Variants in ABCA7 observed in about 807,000 individuals in gnomAD.
ABCA7 encodes the protein ATP binding cassette subfamily A member 7, also known as phospholipid-transporting ATPase ABCA7.
In ABCA7, 261 loss-of-function variants were observed where a neutral mutation model predicts 227.6. That is an observed-to-expected ratio of 1.15 (90% CI 1.04 to 1.27). The LOEUF is 1.27. ABCA7 is among the 50% of genes most tolerant of loss of function. ABCA7 has a pLI of 0.00. For synonymous variants in ABCA7, 1,488 were observed against 1,279.7 expected (o/e 1.16, Z -3.47); for missense variants, 3,331 against 2,924.5 (o/e 1.14, Z -3.21).
rs374346281 is a variant in ABCA7, at chr19:1,042,060, C to G, written c.303-4C>G. Reference sequence around the variant, plus strand: ...CCCGCCTCCTGCCCTCTCTCTGTCCCCAGGGTCTCCCGGCTGCTAGCCGAT... The same window carrying G: ...CCCGCCTCCTGCCCTCTCTCTGTCCGCAGGGTCTCCCGGCTGCTAGCCGAT... On this transcript the variant is annotated splice_polypyrimidine_tract_variant and splice_region_variant and intron_variant, in intron 4 of 46. Transcript: ENST00000263094. 367 of 1,591,056 alleles carry G rather than the reference C, an allele frequency of 2.3e-4. No individual in the cohort carries two copies. The highest frequency in any genetic ancestry group is 3.0e-4 in the Non-Finnish European group (347 of 1,175,336).
At position 1,064,194 on chromosome 19, in the gene ABCA7, G is replaced by A. The variant is rs4147930; in HGVS notation, c.5985G>A (p.Leu1995=). The A allele has an allele frequency of 0.72, 1,132,161 of 1,580,266 alleles. 409,160 individuals carry two copies. The highest frequency in any genetic ancestry group is 0.8 in the Admixed American group (44,513 of 55,484). ...AGTGTGAAGCGCTCTGCTCGCGCCT[G>A]GCCATCATGGTGAATGGGCGGTTCC... is the stretch of plus-strand genomic sequence containing the variant. ...MEECEALCSR[L]AIMVNGRFRC... The change falls in exon 45 of 47, where the codon CTG becomes CTA. Residue 1995 remains leucine, a synonymous_variant. Transcript: ENST00000263094.
At position 1,051,555 on chromosome 19, in the gene ABCA7, T is replaced by A; in HGVS notation, c.2931T>A (p.Gly977=). ...GCGTGGATCCTGCTTCCCGCCGCGGTATTTGGGAGCTGCTGCTCAAATACC... is the reference window on the plus strand; with the variant it reads ...GCGTGGATCCTGCTTCCCGCCGCGGAATTTGGGAGCTGCTGCTCAAATACC... ...TAGVDPASRR[G]IWELLLKYRE... Residue 977 remains glycine, a synonymous_variant, in exon 21 of 47, where the codon GGT becomes GGA. Coordinates refer to ENST00000263094, the MANE Select transcript of ABCA7 (RefSeq NM_019112.4). 6.2e-7 allele frequency: 1 copy of A among 1,612,446 alleles called. No homozygotes were observed. The highest frequency in any genetic ancestry group is 8.5e-7 in the Non-Finnish European group (1 of 1,179,820).
At position 1,057,965 on chromosome 19, in the gene ABCA7, C is replaced by G; in HGVS notation, c.4931C>G (p.Pro1644Arg). Residue 1644 changes from proline to arginine, a missense_variant, in exon 36 of 47, where the codon CCC (proline) becomes CGC (arginine). By Grantham distance (103) the Pro-to-Arg change is moderately radical. Transcript: ENST00000263094. ...MYPASFFFSVPSTAYVVLTCI... is the reference protein window; with the variant it reads ...MYPASFFFSVRSTAYVVLTCI... Reference sequence around the variant, plus strand: ...CCAGCCTCCTTCTTCTTCTCCGTGCCCAGCACAGCCTATGTGGTGCTCACC... The same window carrying G: ...CCAGCCTCCTTCTTCTTCTCCGTGCGCAGCACAGCCTATGTGGTGCTCACC... 6.2e-7 allele frequency: 1 copy of G among 1,614,008 alleles called. No homozygotes were observed. The highest frequency in any genetic ancestry group is 8.5e-7 in the Non-Finnish European group (1 of 1,180,010).
chr19:1,047,785 T>C, intron 16 of ABCA7, 131 bp downstream of exon 16: 4 of 981,964 alleles, frequency 4.1e-6, no homozygotes, highest in Non-Finnish European at 5.6e-6. Flanking sequence ...CGGGGCTTCT[T>C]GGCACACGCA....
chr19:1,046,914 G>T lies in ABCA7; in HGVS notation c.1735G>T (p.Asp579Tyr). Residue 579 changes from aspartate (D) to tyrosine (Y), a missense_variant, in exon 14 of 47, where the codon GAC becomes TAC. Physicochemically the swap from Asp to Tyr is radical, Grantham distance 160. Coordinates refer to ENST00000263094, the MANE Select transcript of ABCA7 (RefSeq NM_019112.4). ...GCGGGAGAAGGAGACGCGGCTGCGGGACACCATGCGCGCCATGGGGCTCAG... is the reference window on the plus strand; with the variant it reads ...GCGGGAGAAGGAGACGCGGCTGCGGTACACCATGCGCGCCATGGGGCTCAG... ...VVREKETRLR[D>Y]TMRAMGLSRA... The T allele has an allele frequency of 6.4e-7, 1 of 1,553,214 alleles. No individual in the cohort carries two copies.
At chr19:1,049,060 C>CG in intron 17 of ABCA7, 55 bp downstream of exon 17, 1 of 1,037,702 alleles carries the variant, frequency 9.6e-7, no homozygotes, top group Non-Finnish European at 1.4e-6. Context: ...AGTTCCCCCC[C>CG]AAAACGAGAT....
In ABCA7 at chr19:1,065,298, G is replaced by T. The variant is rs1189021691; in HGVS notation, c.6314G>T (p.Gly2105Val). 1.2e-6 allele frequency: 2 copies of T among 1,613,526 alleles called. No individual in the cohort carries two copies. Among genetic ancestry groups the T allele is most frequent in the South Asian group, 2.2e-5 (2 of 91,086 alleles). ...EVFLYFSKDQ[G>V]KDEDTEEQKE... ...TTCTTGTACTTCTCCAAGGACCAGGGGAAGGACGAGGACACCGAAGAGCAG... is the reference window on the plus strand; with the variant it reads ...TTCTTGTACTTCTCCAAGGACCAGGTGAAGGACGAGGACACCGAAGAGCAG... Residue 2105 changes from glycine (G) to valine (V), a missense_variant, in exon 47 of 47, where the codon GGG becomes GTG. Coordinates refer to ENST00000263094, the MANE Select transcript of ABCA7 (RefSeq NM_019112.4).
rs148078867 is a variant in ABCA7, at chr19:1,044,727, C to G, written c.1198C>G (p.Leu400Val). ...TGATGTGGGGCACCTGGTGGGCACG[C>G]TGGGCCGAGTGACGGAGGTGAGGGC... ...HADVGHLVGTLGRVTECLSLD... is the reference protein window; with the variant it reads ...HADVGHLVGTVGRVTECLSLD... Residue 400 changes from leucine (L) to valine (V), a missense_variant, in exon 11 of 47, where the codon CTG becomes GTG. Coordinates refer to ENST00000263094, the MANE Select transcript of ABCA7 (RefSeq NM_019112.4). 2.3e-4 allele frequency: 373 copies of G among 1,609,280 alleles called. 1 individual carries two copies. Among genetic ancestry groups the G allele is most frequent in the Non-Finnish European group, 2.9e-4 (345 of 1,178,920 alleles).
Position 1,051,062 on chromosome 19 carries a change from G to T in ABCA7, c.2684+10G>T, listed in dbSNP as rs752184358. 1 of 1,610,280 alleles carries T rather than the reference G, an allele frequency of 6.2e-7. No individual in the cohort carries two copies. Among genetic ancestry groups the T allele is most frequent in the Non-Finnish European group, 8.5e-7 (1 of 1,178,584 alleles). ...ACGTGCTGTTTGACATGTGCGTCTCGGCAGGCCCAGAGTGCAGCGGTGGGA... is the reference window on the plus strand; with the variant it reads ...ACGTGCTGTTTGACATGTGCGTCTCTGCAGGCCCAGAGTGCAGCGGTGGGA... On this transcript the variant is annotated intron_variant, in intron 19 of 46. Transcript: ENST00000263094.
Position 1,049,454 on chromosome 19 carries a change from T to G in ABCA7, c.2552+17T>G. On this transcript the variant is annotated intron_variant, in intron 18 of 46. Transcript: ENST00000263094. ...CACCACCCTGTGAGCCCCCAACCAC[T>G]CCCTCCCCGTGAGCCCCCCCACTCC... 1.2e-5 allele frequency: 17 copies of G among 1,370,880 alleles called. No homozygotes were observed. The highest frequency in any genetic ancestry group is 4.9e-5 in the Admixed American group (2 of 40,556). 84.9% of individuals were successfully genotyped at this position (1,370,880 alleles called of 1,614,324 possible). A position where few individuals can be genotyped will look rare whatever the true frequency, so the allele number is the denominator to read the frequency against.
At position 1,058,949 on chromosome 19, in the gene ABCA7, G is replaced by T; in HGVS notation, c.5400+9G>T. On this transcript the variant is annotated intron_variant, in intron 39 of 46. Transcript: ENST00000263094. Reference sequence around the variant, plus strand: ...TGAGGAACTTGACCAAGGTAGGTGTGGTCAGGTCGACTGCTGGGTGGGGGG... The same window carrying T: ...TGAGGAACTTGACCAAGGTAGGTGTTGTCAGGTCGACTGCTGGGTGGGGGG... 6.2e-7 allele frequency: 1 copy of T among 1,610,096 alleles called. No individual in the cohort carries two copies. The highest frequency in any genetic ancestry group is 8.5e-7 in the Non-Finnish European group (1 of 1,177,282).
Position 1,054,540 on chromosome 19 carries a change from G to A in ABCA7, c.3727-30G>A, listed in dbSNP as rs2042072642. 2 of 1,598,712 alleles carry A rather than the reference G, an allele frequency of 1.3e-6. No homozygotes were observed. Among genetic ancestry groups the A allele is most frequent in the East Asian group, 4.5e-5 (2 of 44,492 alleles). On this transcript the variant is annotated intron_variant, in intron 27 of 46. Coordinates refer to ENST00000263094, the MANE Select transcript of ABCA7 (RefSeq NM_019112.4). The surrounding 1 kb of genome is among the most constrained non-coding windows in gnomAD (Gnocchi z 4.8). ...TGCAAGCAAGCCTGGAGGGTGGATGGAAGCAGCAGCTGATGGGCTGGTCCC... is the reference window on the plus strand; with the variant it reads ...TGCAAGCAAGCCTGGAGGGTGGATGAAAGCAGCAGCTGATGGGCTGGTCCC...
intron 42 of ABCA7, among the ~76,000 whole-genome samples, chr19:1,062,549 A>C (rs369258978): frequency 6.7e-6 from 1 of 150,362 alleles, no homozygotes; most frequent in Non-Finnish European, 1.5e-5. Flanking sequence ...TGGTCCACCC[A>C]CCCTTCCTTC....
Position 1,051,692 on chromosome 19 carries a change from C to T in ABCA7, c.2962+106C>T, listed in dbSNP as rs1043548864. The stretch of plus-strand genomic sequence containing the variant: ...GTAGGAGTTTGCTACATGTGGACCC[C>T]ACTTGTTGCTATGGCATTTAGGGGC... On this transcript the variant is annotated intron_variant, in intron 21 of 46. Coordinates refer to ENST00000263094, the MANE Select transcript of ABCA7 (RefSeq NM_019112.4). The T allele has an allele frequency of 6.7e-6, 8 of 1,198,740 alleles. No individual in the cohort carries two copies. In the African/African-American group the frequency reaches 1.2e-4, roughly 18 times the overall value. The allele number at this position is 1,198,740 out of a possible 1,614,324, so 74.3% of individuals were successfully genotyped here.
rs1380444358 is a variant in ABCA7, at chr19:1,053,451, A to T, written c.3343A>T (p.Thr1115Ser). Reference protein sequence around the residue: ...YTGAHDGSFATLFRELDTRLA... With the variant: ...YTGAHDGSFASLFRELDTRLA... ...GGGTGCCCATGACGGCAGCTTCGCC[A>T]CACTCTTCCGAGAGCTAGACACGCG... is the stretch of plus-strand genomic sequence containing the variant. Residue 1115 changes from threonine to serine, a missense_variant, in exon 24 of 47, where the codon ACA becomes TCA. Physicochemically the swap from Thr to Ser is moderately conservative, Grantham distance 58. Coordinates refer to ENST00000263094, the MANE Select transcript of ABCA7 (RefSeq NM_019112.4). 6.2e-7 allele frequency: 1 copy of T among 1,601,520 alleles called. No individual in the cohort carries two copies. The highest frequency in any genetic ancestry group is 8.5e-7 in the Non-Finnish European group (1 of 1,176,002).
At chr19:1,041,676 C>T in intron 3 of ABCA7, 73 bp downstream of exon 3, 2 of 1,564,434 alleles carry the variant, frequency 1.3e-6, no homozygotes, top group East Asian at 2.2e-5. Context: ...CACAGGAATC[C>T]CCCGTGCATG....
intron 11 of ABCA7, 95 bp downstream of exon 11, chr19:1,044,839 C>G: frequency 6.7e-7 from 1 of 1,482,586 alleles, no homozygotes; most frequent in Admixed American, 2.1e-5. Context: ...GAGGCGGGCC[C>G]GGCCCTAGTA....
At chr19:1,048,470 T>C (rs539231691) in intron 16 of ABCA7, among the ~76,000 whole-genome samples, 2 of 107,410 alleles carry the variant, frequency 1.9e-5, no homozygotes, top group Non-Finnish European at 3.4e-5. Flanking sequence ...CACTCCAGCC[T>C]GGGCAACAAG....
At chr19:1,055,837 T>C in intron 30 of ABCA7, 70 bp from the exon 31 acceptor site, 1 of 1,448,324 alleles carries the variant, frequency 6.9e-7, no homozygotes, top group African/African-American at 1.4e-5. Context: ...GACTCTGTGC[T>C]CCCCTCTCAC....
Sources: gnomAD v4.1 joint callset for allele counts (sites outside exome capture counted in the v4.1 genomes callset) on GRCh38, gnomAD v4.1.1 for gene constraint, Gnocchi (gnomAD v3.1) non-coding constraint, MANE v1.5 for transcripts, NCBI Gene and HGNC (gene_info 2026-07-23, HGNC 2026-07-21) for gene names.